Variants in TENM2 observed in about 807,000 individuals in gnomAD.
TENM2 encodes the protein teneurin-2.
In TENM2, 52 loss-of-function variants were observed where a neutral mutation model predicts 245.2. That is an observed-to-expected ratio of 0.21 (90% CI 0.17 to 0.27). The LOEUF (loss-of-function observed/expected upper bound fraction) is 0.27. TENM2 is among the 10% of genes least tolerant of loss of function. The pLI is 1.00. For synonymous variants in TENM2, 1,363 were observed against 1,438.9 expected (o/e 0.95, Z 1.19); for missense variants, 3,046 against 3,666.8 (o/e 0.83, Z 4.37).
chr5:167,018,535 T>A, the TENM2 span, among the ~76,000 whole-genome samples: 1 of 152,160 alleles, frequency 6.6e-6, no homozygotes, highest in East Asian at 1.9e-4. Context: ...GAACAATATG[T>A]CATGAAAAAT....
intron 2 of TENM2, among the ~76,000 whole-genome samples, chr5:167,464,765 T>A (rs1460488823): frequency 6.6e-6 from 1 of 152,204 alleles, no homozygotes; most frequent in Non-Finnish European, 1.5e-5. Flanking sequence ...AAATTTCTAT[T>A]GTAGGAAATA....
At chr5:167,444,709 A>G (rs1561961053) in intron 2 of TENM2, among the ~76,000 whole-genome samples, 1 of 152,202 alleles carries the variant, frequency 6.6e-6, no homozygotes, top group Non-Finnish European at 1.5e-5. Context: ...CTGAACCAGG[A>G]ATATGATGGG....
intron 2 of TENM2, among the ~76,000 whole-genome samples, chr5:167,597,402 G>A (rs1162851074): frequency 6.6e-6 from 1 of 151,962 alleles, no homozygotes; most frequent in Non-Finnish European, 1.5e-5. Context: ...CTGGACCTCA[G>A]GCAATCCGGC....
At chr5:167,909,138 A>G (rs1162973290) in intron 3 of TENM2, among the ~76,000 whole-genome samples, 5 of 151,206 alleles carry the variant, frequency 3.3e-5, no homozygotes, top group Non-Finnish European at 5.9e-5. Flanking sequence ...TCACTTTTCT[A>G]AAGGAAGAAG....
the TENM2 span, among the ~76,000 whole-genome samples, chr5:167,161,620 G>A: frequency 4.0e-5 from 6 of 151,888 alleles, no homozygotes; most frequent in South Asian, 2.1e-4. Flanking sequence ...TTTTTTTTCC[G>A]CTTCAGTATG....
intron 2 of TENM2, among the ~76,000 whole-genome samples, chr5:167,555,091 G>GCACA (rs891580809): frequency 3.3e-5 from 5 of 152,024 alleles, no homozygotes; most frequent in South Asian, 2.1e-4. Context: ...GCGCGTGCAC[G>GCACA]CACACACACA....
intron 5 of TENM2, among the ~76,000 whole-genome samples, chr5:167,994,710 C>T (rs1783922074): frequency 6.6e-6 from 1 of 152,206 alleles, no homozygotes; most frequent in Non-Finnish European, 1.5e-5. Context: ...TGGGGCTTTG[C>T]AGAAGTGTAG....
intron 9 of TENM2, among the ~76,000 whole-genome samples, chr5:168,107,925 G>A (rs34004678): frequency 0.015 from 2,291 of 152,304 alleles, 20 homozygotes; most frequent in South Asian, 0.042. Flanking sequence ...GCCACATGCC[G>A]GCCATCTCCT....
the TENM2 span, among the ~76,000 whole-genome samples, chr5:167,012,635 T>C: frequency 6.6e-6 from 1 of 152,154 alleles, no homozygotes; most frequent in African/African-American, 2.4e-5. Flanking sequence ...AAGGCTGCCA[T>C]GGAAGGTTGT....
At chr5:168,061,185 A>G (rs1375193430) in intron 6 of TENM2, among the ~76,000 whole-genome samples, 1 of 152,220 alleles carries the variant, frequency 6.6e-6, no homozygotes, top group Non-Finnish European at 1.5e-5. Flanking sequence ...ATCGATTTGA[A>G]GGAATCACAA....
chr5:168,048,188 T>C (rs745705910), intron 6 of TENM2, among the ~76,000 whole-genome samples: 13 of 109,880 alleles, frequency 1.2e-4, no homozygotes, highest in African/African-American at 1.9e-4. Flanking sequence ...AAAAAGGTGC[T>C]AACAAGGTGC....
intron 2 of TENM2, among the ~76,000 whole-genome samples, chr5:167,680,614 G>A (rs1380838550): frequency 1.3e-5 from 2 of 152,178 alleles, no homozygotes; most frequent in Non-Finnish European, 2.9e-5. Flanking sequence ...ACAGGACCTA[G>A]TTGAGAAGCT....
chr5:167,987,380 C>A (rs185255023), intron 4 of TENM2, among the ~76,000 whole-genome samples: 1 of 150,864 alleles, frequency 6.6e-6, no homozygotes, highest in Admixed American at 6.6e-5. Context: ...CAGGCTGGAG[C>A]GCAATGGCAC....
At chr5:167,180,369 A>G in the TENM2 span, among the ~76,000 whole-genome samples, 1 of 151,992 alleles carries the variant, frequency 6.6e-6, no homozygotes, top group Admixed American at 6.6e-5. Context: ...TCAGCCTCCC[A>G]AACAGAATAA....
intron 2 of TENM2, among the ~76,000 whole-genome samples, chr5:167,405,252 C>T (rs536699961): frequency 4.6e-5 from 7 of 151,564 alleles, no homozygotes; most frequent in African/African-American, 1.5e-4. Flanking sequence ...TTCTTGGCAT[C>T]GTGTATGATT....
chr5:166,993,229 G>A, the TENM2 span, among the ~76,000 whole-genome samples: 1 of 151,988 alleles, frequency 6.6e-6, no homozygotes, highest in African/African-American at 2.4e-5. Context: ...ACCCAGAAGC[G>A]GACCCTTGGG....
At chr5:168,049,252 G>A (rs528817168) in intron 6 of TENM2, among the ~76,000 whole-genome samples, 1 of 152,288 alleles carries the variant, frequency 6.6e-6, no homozygotes, top group Non-Finnish European at 1.5e-5. Context: ...CTCCTTTCAA[G>A]ATGACAATAG....
chr5:167,378,046 A>T (rs200781870), intron 2 of TENM2, among the ~76,000 whole-genome samples: 1 of 152,050 alleles, frequency 6.6e-6, no homozygotes, highest in Non-Finnish European at 1.5e-5. Context: ...GTGGGGTTCC[A>T]TATGTTTTAA....
chr5:167,337,024 G>C (rs1757806360), intron 1 of TENM2, among the ~76,000 whole-genome samples: 1 of 148,124 alleles, frequency 6.8e-6, no homozygotes, highest in Non-Finnish European at 1.5e-5. Context: ...GGCTGAGGCA[G>C]GAGAATGGCG....
Sources: allele counts gnomAD v4.1 joint callset (sites outside exome capture counted in the v4.1 genomes callset), GRCh38; gene constraint gnomAD v4.1.1; transcripts MANE v1.5; gene names NCBI Gene and HGNC (gene_info 2026-07-23, HGNC 2026-07-21).